Variants in NIF3L1 observed in about 807,000 individuals in gnomAD.
The protein encoded by NIF3L1 is NIF3-like protein 1.
Under a neutral mutation model 35.0 loss-of-function variants are expected in NIF3L1, and 26 were observed. The observed-to-expected ratio is 0.74, with a 90% CI of 0.54 to 1.03. The LOEUF (loss-of-function observed/expected upper bound fraction) is 1.03. Ranked by LOEUF, NIF3L1 falls within the 50% of genes least tolerant of loss-of-function variation. NIF3L1 has a pLI of 0.00. For missense variants in NIF3L1, 449 were observed against 466.3 expected (o/e 0.96, Z 0.34); for synonymous variants, 157 against 178.9 (o/e 0.88, Z 0.98).
At position 200,893,422 on chromosome 2, in the gene NIF3L1, TTC is replaced by T; in HGVS notation, c.599+18_599+19del. 6.2e-7 allele frequency: 1 copy of T among 1,613,298 alleles called. No homozygotes were observed. The highest frequency in any genetic ancestry group is 8.5e-7 in the Non-Finnish European group (1 of 1,179,380). ...TTTTTCTGCTAGGTACAATTTATTT[TTC>T]TCTTTTTTTTGTGTGTATTTATTGG... On this transcript the variant is annotated intron_variant, in intron 3 of 6. Transcript: ENST00000409020.
At position 200,892,359 on chromosome 2, in the gene NIF3L1, A is replaced by G; in HGVS notation, c.416A>G (p.Asn139Ser). 1 of 1,600,856 alleles carries G rather than the reference A, an allele frequency of 6.2e-7. No individual in the cohort carries two copies. Among genetic ancestry groups the G allele is most frequent in the Non-Finnish European group, 8.5e-7 (1 of 1,174,450 alleles). Residue 139 changes from asparagine (N) to serine (S), a missense_variant, in exon 2 of 7, where the codon AAC (asparagine) becomes AGC (serine). Coordinates refer to ENST00000409020, the MANE Select transcript of NIF3L1 (RefSeq NM_001369441.2). Reference protein sequence around the residue: ...AYDAAPQGVNNWLAKGLGACT... With the variant: ...AYDAAPQGVNSWLAKGLGACT... ...GATGCTGCGCCCCAGGGCGTCAACA[A>G]CTGGTTGGCTAAAGGGCTTGGTGAG...
chr2:200,897,269 A>T, intron 5 of NIF3L1, 55 bp downstream of exon 5: 4 of 1,564,116 alleles, frequency 2.6e-6, no homozygotes, highest in Admixed American at 1.8e-5. Context: ...TTGGACAAAG[A>T]TCGAAACTCT....
In NIF3L1 at chr2:200,892,323, A is replaced by G. The variant is rs2040215302; in HGVS notation, c.380A>G (p.His127Arg). The change falls in exon 2 of 7, where the codon CAT becomes CGT. Residue 127 changes from histidine to arginine, a missense_variant. Physicochemically the swap from His to Arg is conservative, Grantham distance 29. Transcript: ENST00000409020. ...LENRVGIYSP[H>R]TAYDAAPQGV... ...AACAGAGTCGGTATCTACTCTCCTCATACAGCCTATGATGCTGCGCCCCAG... is the reference window on the plus strand; with the variant it reads ...AACAGAGTCGGTATCTACTCTCCTCGTACAGCCTATGATGCTGCGCCCCAG... 1 of 1,613,398 alleles carries G rather than the reference A, an allele frequency of 6.2e-7. No individual in the cohort carries two copies. Among genetic ancestry groups the G allele is most frequent in the Non-Finnish European group, 8.5e-7 (1 of 1,180,024 alleles).
chr2:200,900,325 G>A (rs2040392467), intron 6 of NIF3L1, among the ~76,000 whole-genome samples: 1 of 152,120 alleles, frequency 6.6e-6, no homozygotes, highest in Admixed American at 6.5e-5. Flanking sequence ...GGCCAAACAT[G>A]GCCCCTTACA....
chr2:200,897,204 G>T lies in NIF3L1; in HGVS notation c.855G>T (p.Gly285=). Residue 285 remains glycine (G), a synonymous_variant, in exon 5 of 7, where the codon GGG becomes GGT. Transcript: ENST00000409020. ...LSHIRLALGV[G]RTLESQVKVV... Reference sequence around the variant, plus strand: ...ATATTCGCTTAGCCCTTGGGGTGGGGAGAACCTTAGGTAAATATAGCTCCT... The same window carrying T: ...ATATTCGCTTAGCCCTTGGGGTGGGTAGAACCTTAGGTAAATATAGCTCCT... 1 of 1,613,742 alleles carries T rather than the reference G, an allele frequency of 6.2e-7. No homozygotes were observed. The highest frequency in any genetic ancestry group is 8.5e-7 in the Non-Finnish European group (1 of 1,179,920).
chr2:200,892,209 TTCTC>T lies in NIF3L1; in HGVS notation c.269_272del (p.Leu90ProfsTer10). On this transcript the variant is annotated frameshift_variant, in exon 2 of 7. Coordinates refer to ENST00000409020, the MANE Select transcript of NIF3L1 (RefSeq NM_001369441.2). LOFTEE classifies it high-confidence loss of function. ...GTGCTGCAAAAGAAGGCAGACCTCA[TTCTC>T]TCCTACCATCCGCCTATCTTCCGAC... 5.6e-6 allele frequency: 9 copies of T among 1,614,226 alleles called. No homozygotes were observed. The highest frequency in any genetic ancestry group is 7.6e-6 in the Non-Finnish European group (9 of 1,180,046).
intron 2 of NIF3L1, among the ~76,000 whole-genome samples, chr2:200,892,801 G>A (rs1455442248): frequency 2.0e-5 from 3 of 152,156 alleles, no homozygotes; most frequent in African/African-American, 7.2e-5. Context: ...AATGATGGAT[G>A]GATTTTAGCT....
At chr2:200,900,056 T>C (rs369275101) in intron 6 of NIF3L1, among the ~76,000 whole-genome samples, 10 of 152,144 alleles carry the variant, frequency 6.6e-5, no homozygotes, top group Admixed American at 2.0e-4. Flanking sequence ...CTTATGCTGT[T>C]TTCTCTGGCT....
At chr2:200,897,749 G>C (rs1487528804) in intron 5 of NIF3L1, among the ~76,000 whole-genome samples, 1 of 152,188 alleles carries the variant, frequency 6.6e-6, no homozygotes, top group Non-Finnish European at 1.5e-5. Flanking sequence ...TCTAAGTCTT[G>C]TAGTTTTTTC....
chr2:200,899,720 A>T (rs1182609181), intron 6 of NIF3L1, among the ~76,000 whole-genome samples: 1 of 152,138 alleles, frequency 6.6e-6, no homozygotes, highest in Non-Finnish European at 1.5e-5. Context: ...AACTGTCCCA[A>T]ACCTCTCAGA....
rs777843189 is a variant in NIF3L1, at chr2:200,903,646, G to A, written c.1102G>A (p.Glu368Lys). 2 of 1,613,916 alleles carry A rather than the reference G, an allele frequency of 1.2e-6. No homozygotes were observed. The highest frequency in any genetic ancestry group is 2.2e-5 in the East Asian group (1 of 44,870). Residue 368 changes from glutamate to lysine, a missense_variant, in exon 7 of 7, where the codon GAG (glutamate) becomes AAG (lysine). Coordinates refer to ENST00000409020, the MANE Select transcript of NIF3L1 (RefSeq NM_001369441.2). ...GAATAAGATAAATATTATCCTATCA[G>A]AGACTGACAGGGACCCTCTTCAGGT... is the stretch of plus-strand genomic sequence containing the variant. ...LENKINIILS[E>K]TDRDPLQVV
intron 6 of NIF3L1, among the ~76,000 whole-genome samples, chr2:200,902,508 C>G (rs922817918): frequency 1.3e-5 from 2 of 152,074 alleles, no homozygotes; most frequent in Admixed American, 1.3e-4. Context: ...GCAGAGGTTG[C>G]AGTGAGCTGA....
At chr2:200,898,023 TAAA>T (rs2040347144) in intron 5 of NIF3L1, among the ~76,000 whole-genome samples, 1 of 152,224 alleles carries the variant, frequency 6.6e-6, no homozygotes, top group Non-Finnish European at 1.5e-5. Flanking sequence ...ACTGCATTAA[TAAA>T]ACCTAACTCA....
intron 6 of NIF3L1, 33 bp from the exon 7 acceptor site, chr2:200,903,461 G>A: frequency 1.3e-6 from 2 of 1,564,766 alleles, no homozygotes; most frequent in South Asian, 1.1e-5. Flanking sequence ...TCCATATTTA[G>A]CATTTAAGAA....
intron 5 of NIF3L1, among the ~76,000 whole-genome samples, chr2:200,897,555 A>G (rs2124891949): frequency 6.6e-6 from 1 of 152,180 alleles, no homozygotes; most frequent in South Asian, 2.1e-4. Context: ...TTTCTGCTCA[A>G]CTCATTTTCC....
At chr2:200,895,565 T>C (rs991684095) in intron 4 of NIF3L1, among the ~76,000 whole-genome samples, 175 bp downstream of exon 4, 1 of 152,246 alleles carries the variant, frequency 6.6e-6, no homozygotes, top group Non-Finnish European at 1.5e-5. Flanking sequence ...ATCATTACTT[T>C]GCATTTTTCT....
chr2:200,896,300 A>G (rs1413355765), intron 4 of NIF3L1, among the ~76,000 whole-genome samples: 2 of 151,980 alleles, frequency 1.3e-5, no homozygotes, highest in African/African-American at 4.8e-5. Context: ...CTTCTTTTGG[A>G]TCTGCCCCCA....
intron 3 of NIF3L1, 21 bp downstream of exon 3, chr2:200,893,429 T>A (rs1418023219): frequency 1.2e-6 from 2 of 1,612,332 alleles, no homozygotes; most frequent in African/African-American, 2.7e-5. Context: ...TTTTTCTCTT[T>A]TTTTTGTGTG....
rs760282968 is a variant in NIF3L1, at chr2:200,893,311, C to A, written c.502C>A (p.Arg168=). The A allele has an allele frequency of 1.9e-6, 3 of 1,610,078 alleles. No individual in the cohort carries two copies. The highest frequency in any genetic ancestry group is 2.7e-5 in the African/African-American group (2 of 74,606). ...APNYPTEGNH[R]VEFNVNYTQD... The stretch of plus-strand genomic sequence containing the variant: ...CAACTACCCTACAGAGGGAAACCAC[C>A]GAGTAGAATTCAACGTTAACTACAC... The change falls in exon 3 of 7, where the codon CGA becomes AGA. Residue 168 remains arginine, a synonymous_variant. Coordinates refer to ENST00000409020, the MANE Select transcript of NIF3L1 (RefSeq NM_001369441.2).
Sources: allele counts gnomAD v4.1 joint callset (sites outside exome capture counted in the v4.1 genomes callset), GRCh38; gene constraint gnomAD v4.1.1; transcripts MANE v1.5; gene names NCBI Gene and HGNC (gene_info 2026-07-23, HGNC 2026-07-21).